Variants in CNKSR3 observed in about 807,000 individuals in gnomAD.
CNKSR3 encodes the protein connector enhancer of kinase suppressor of ras 3.
Under a neutral mutation model 67.7 loss-of-function variants are expected in CNKSR3, and 36 were observed. That is an observed-to-expected ratio of 0.53 (90% CI 0.41 to 0.70). CNKSR3 has a LOEUF of 0.70. Ranked by LOEUF, CNKSR3 falls within the 30% of genes least tolerant of loss-of-function variation. The pLI is 0.00. For missense variants in CNKSR3, 630 were observed against 695.2 expected (o/e 0.91, Z 1.05); for synonymous variants, 281 against 271.4 (o/e 1.04, Z -0.35).
At chr6:154,497,317 G>A (rs1196862970) in intron 1 of CNKSR3, among the ~76,000 whole-genome samples, 3 of 152,030 alleles carry the variant, frequency 2.0e-5, no homozygotes, top group Admixed American at 6.5e-5. Flanking sequence ...CTTGAGCCCC[G>A]GAGGTCAAAG....
At chr6:154,428,674 A>C (rs1785303417) in intron 6 of CNKSR3, among the ~76,000 whole-genome samples, 1 of 140,560 alleles carries the variant, frequency 7.1e-6, no homozygotes, top group African/African-American at 2.7e-5. Flanking sequence ...GTGTGCTACC[A>C]CACCCAGCTA....
At chr6:154,482,676 G>A (rs1199128446) in intron 1 of CNKSR3, among the ~76,000 whole-genome samples, 3 of 152,184 alleles carry the variant, frequency 2.0e-5, no homozygotes, top group Admixed American at 2.0e-4. Context: ...GGTTCCAGAA[G>A]GTGCTGACCC....
At chr6:154,497,955 G>T (rs939184887) in intron 1 of CNKSR3, among the ~76,000 whole-genome samples, 1 of 152,180 alleles carries the variant, frequency 6.6e-6, no homozygotes, top group Non-Finnish European at 1.5e-5. Flanking sequence ...GGTGATATGT[G>T]AAAACTTTCT....
At chr6:154,455,414 G>T (rs575644399) in intron 1 of CNKSR3, among the ~76,000 whole-genome samples, 61 of 152,070 alleles carry the variant, frequency 4.0e-4, no homozygotes, top group African/African-American at 1.5e-3. Context: ...GAGGCAAGAA[G>T]AAAGACAAAG....
intron 1 of CNKSR3, among the ~76,000 whole-genome samples, chr6:154,450,565 C>T (rs1785806836): frequency 1.3e-5 from 2 of 152,216 alleles, no homozygotes; most frequent in African/African-American, 4.8e-5. Flanking sequence ...CTAGACCAGA[C>T]ATGCTGTCTG....
At chr6:154,486,909 A>G (rs1046488564) in intron 1 of CNKSR3, among the ~76,000 whole-genome samples, 13 of 152,120 alleles carry the variant, frequency 8.5e-5, no homozygotes, top group African/African-American at 2.9e-4. Context: ...GGGCTCAAGC[A>G]GTCCTCTCGC....
chr6:154,442,895 T>A (rs117568683), intron 2 of CNKSR3, among the ~76,000 whole-genome samples: 4 of 151,860 alleles, frequency 2.6e-5, no homozygotes, highest in Admixed American at 2.0e-4. Context: ...TTATTTTTTT[T>A]ATTTTATTTT....
chr6:154,427,131 T>G (rs1785272846), intron 7 of CNKSR3, among the ~76,000 whole-genome samples: 1 of 152,192 alleles, frequency 6.6e-6, no homozygotes, highest in African/African-American at 2.4e-5. Context: ...TCCTACCCAT[T>G]CATCTGCCAG....
intron 1 of CNKSR3, among the ~76,000 whole-genome samples, chr6:154,498,505 C>T (rs1021709977): frequency 1.3e-5 from 2 of 152,206 alleles, no homozygotes; most frequent in African/African-American, 4.8e-5. Flanking sequence ...CCAGACAACA[C>T]ATGGCTTTGG....
intron 1 of CNKSR3, among the ~76,000 whole-genome samples, chr6:154,504,855 A>G (rs1787067325): frequency 6.6e-6 from 1 of 151,714 alleles, no homozygotes; most frequent in South Asian, 2.1e-4. Context: ...TTAAAAAATA[A>G]TAAGTAAAGA....
At chr6:154,433,252 A>G (rs1011877211) in intron 5 of CNKSR3, among the ~76,000 whole-genome samples, 2 of 152,238 alleles carry the variant, frequency 1.3e-5, no homozygotes, top group Non-Finnish European at 2.9e-5. Context: ...CAGAGACTCG[A>G]TGTAGTTAAT....
At chr6:154,437,886 T>C (rs1215146726) in intron 4 of CNKSR3, among the ~76,000 whole-genome samples, 2 of 152,260 alleles carry the variant, frequency 1.3e-5, no homozygotes, top group South Asian at 2.1e-4. Context: ...AAGGGCAGTA[T>C]ATTTGTCCAG....
intron 1 of CNKSR3, among the ~76,000 whole-genome samples, chr6:154,476,016 T>C (rs1786438553): frequency 6.6e-6 from 1 of 151,776 alleles, no homozygotes; most frequent in South Asian, 2.1e-4. Context: ...CCAGCAGAAG[T>C]AATAATATCA....
chr6:154,423,883 T>C (rs1785198129), intron 7 of CNKSR3, among the ~76,000 whole-genome samples: 1 of 152,176 alleles, frequency 6.6e-6, no homozygotes, highest in Admixed American at 6.5e-5. Flanking sequence ...ATCCAGACTT[T>C]TTTTCCTTCA....
At chr6:154,441,964 T>C (rs1785599396) in intron 3 of CNKSR3, 124 bp downstream of exon 3, 3 of 923,102 alleles carry the variant, frequency 3.2e-6, no homozygotes, top group South Asian at 4.0e-5. Context: ...GAGGACTCCT[T>C]AAGAGCCGGT....
At position 154,467,834 on chromosome 6, in the gene CNKSR3, A is replaced by T. The variant is rs1786236746; in HGVS notation, c.53-17576T>A. ...GAGTACAATGGTGCAATTTCGGCTC[A>T]CTGCAACCTCCGCCTCCTGGGTTCA... On this transcript the variant is annotated intron_variant, in intron 1 of 12. Transcript: ENST00000607772. Among the ~76,000 whole-genome samples, 3 of 151,714 alleles carry T rather than the reference A, an allele frequency of 2.0e-5. No homozygotes were observed. The South Asian group carries it at 6.3e-4, about 32-fold the overall frequency.
intron 1 of CNKSR3, among the ~76,000 whole-genome samples, chr6:154,504,611 A>G (rs926376075): frequency 4.6e-5 from 7 of 152,234 alleles, no homozygotes; most frequent in Non-Finnish European, 8.8e-5. Context: ...CAAGGAGACC[A>G]CAACTACTAA....
chr6:154,467,845 C>T (rs982078289), intron 1 of CNKSR3, among the ~76,000 whole-genome samples: 6 of 151,582 alleles, frequency 4.0e-5, no homozygotes, highest in Non-Finnish European at 7.4e-5. Flanking sequence ...CTGCAACCTC[C>T]GCCTCCTGGG....
chr6:154,442,405 G>A (rs1785615144), intron 2 of CNKSR3, 115 bp from the exon 3 acceptor site: 3 of 785,882 alleles, frequency 3.8e-6, no homozygotes. Flanking sequence ...GGCGGATCAC[G>A]AGGTCAGGAG....
Sources: allele counts gnomAD v4.1 joint callset (sites outside exome capture counted in the v4.1 genomes callset), GRCh38; gene constraint gnomAD v4.1.1; transcripts MANE v1.5; gene names NCBI Gene and HGNC (gene_info 2026-07-23, HGNC 2026-07-21).